Variants in OPCML observed in about 807,000 individuals in gnomAD.
OPCML encodes opioid-binding protein/cell adhesion molecule.
A neutral mutation model predicts 37.8 loss-of-function variants in OPCML; 13 were observed. The observed-to-expected ratio is 0.34, with a 90% CI of 0.22 to 0.55. The LOEUF (loss-of-function observed/expected upper bound fraction) is 0.55. Among genes scored for constraint, OPCML ranks in the 20% least tolerant of loss-of-function variants. The pLI is 0.91. For missense variants in OPCML, 341 were observed against 435.6 expected (o/e 0.78, Z 1.93); for synonymous variants, 176 against 168.8 (o/e 1.04, Z -0.33).
chr11:132,595,233 G>A (rs1213678567), intron 3 of OPCML, among the ~76,000 whole-genome samples: 1 of 152,062 alleles, frequency 6.6e-6, no homozygotes, highest in Non-Finnish European at 1.5e-5. Flanking sequence ...AAGGCATATT[G>A]AGAACATGAT....
intron 1 of OPCML, among the ~76,000 whole-genome samples, chr11:133,038,835 A>G (rs560225743): frequency 1.3e-4 from 20 of 151,698 alleles, no homozygotes; most frequent in African/African-American, 4.8e-4. Flanking sequence ...CCAAAAAAAA[A>G]AAAACCCTGC....
chr11:132,784,182 T>G, intron 2 of OPCML, among the ~76,000 whole-genome samples: 1 of 152,300 alleles, frequency 6.6e-6, no homozygotes, highest in African/African-American at 2.4e-5. Flanking sequence ...AATTCAAACT[T>G]GTAGGAAGTC....
intron 1 of OPCML, among the ~76,000 whole-genome samples, chr11:133,492,151 G>C (rs1249420379): frequency 6.6e-6 from 1 of 152,150 alleles, no homozygotes; most frequent in African/African-American, 2.4e-5. Flanking sequence ...GAAAAACGTA[G>C]CCTGGCCAAA....
chr11:132,544,529 A>T (rs1817961727), intron 3 of OPCML, among the ~76,000 whole-genome samples: 1 of 152,216 alleles, frequency 6.6e-6, no homozygotes, highest in South Asian at 2.1e-4. Flanking sequence ...GTCCTGCCAA[A>T]AATGTTTAAA....
At chr11:132,763,755 G>T (rs1946342462) in intron 2 of OPCML, among the ~76,000 whole-genome samples, 1 of 152,218 alleles carries the variant, frequency 6.6e-6, no homozygotes, top group African/African-American at 2.4e-5. Flanking sequence ...TGTTGTCCAT[G>T]CGGCCCTGCC....
At chr11:133,341,109 T>C (rs1054887345) in intron 1 of OPCML, among the ~76,000 whole-genome samples, 9 of 152,204 alleles carry the variant, frequency 5.9e-5, no homozygotes, top group African/African-American at 2.2e-4. Flanking sequence ...GAGCTTCTTG[T>C]GGGACTCTGT....
chr11:133,409,086 C>T (rs915051363), intron 1 of OPCML, among the ~76,000 whole-genome samples: 78 of 152,242 alleles, frequency 5.1e-4, no homozygotes, highest in African/African-American at 1.8e-3. Flanking sequence ...GTGAGGGGGA[C>T]GAGCGTGGGC....
At chr11:133,465,452 A>G (rs1946953270) in intron 1 of OPCML, among the ~76,000 whole-genome samples, 1 of 152,078 alleles carries the variant, frequency 6.6e-6, no homozygotes, top group African/African-American at 2.4e-5. Flanking sequence ...GTCTATCACT[A>G]TGTGTGTAGA....
chr11:132,514,093 T>C (rs570426343), intron 4 of OPCML, among the ~76,000 whole-genome samples: 1 of 152,218 alleles, frequency 6.6e-6, no homozygotes, highest in Non-Finnish European at 1.5e-5. Flanking sequence ...TCTGTCTATA[T>C]GCTATTTTTA....
intron 1 of OPCML, among the ~76,000 whole-genome samples, chr11:132,975,187 A>C (rs1946430884): frequency 6.6e-6 from 1 of 152,034 alleles, no homozygotes. Context: ...AGGATAATAA[A>C]TAAGAAAGAA....
At chr11:133,147,340 T>G (rs1949911826) in intron 1 of OPCML, among the ~76,000 whole-genome samples, 1 of 151,950 alleles carries the variant, frequency 6.6e-6, no homozygotes, top group Non-Finnish European at 1.5e-5. Context: ...AGTTATCACT[T>G]TTGATAGTCT....
chr11:133,357,766 T>C (rs1446127558), intron 1 of OPCML, among the ~76,000 whole-genome samples: 2 of 152,214 alleles, frequency 1.3e-5, no homozygotes, highest in Non-Finnish European at 2.9e-5. Flanking sequence ...TTCTCTAGGA[T>C]TGATCTTCTC....
chr11:133,354,563 A>C (rs1259480844), intron 1 of OPCML, among the ~76,000 whole-genome samples: 1 of 152,136 alleles, frequency 6.6e-6, no homozygotes, highest in Non-Finnish European at 1.5e-5. Flanking sequence ...GTTAACCAAC[A>C]GATTATTTTA....
Position 132,590,575 on chromosome 11 carries a change from G to A in OPCML, c.380-61389C>T, listed in dbSNP as rs185491137. On this transcript the variant is annotated intron_variant, in intron 3 of 7. Coordinates refer to ENST00000524381, the MANE Select transcript of OPCML (RefSeq NM_001012393.5). ...TTTAAAATTCTCAACATCTCCATGAGGTAGGTAAAATTCACGTTTTACAGA... is the reference window on the plus strand; with the variant it reads ...TTTAAAATTCTCAACATCTCCATGAAGTAGGTAAAATTCACGTTTTACAGA... Among the ~76,000 whole-genome samples the A allele has an allele frequency of 2.6e-5, 4 of 152,274 alleles. No homozygotes were observed. In the East Asian group the frequency reaches 7.7e-4, roughly 29 times the overall value.
intron 2 of OPCML, among the ~76,000 whole-genome samples, chr11:132,858,048 G>A (rs1485800174): frequency 6.6e-6 from 1 of 152,184 alleles, no homozygotes; most frequent in Non-Finnish European, 1.5e-5. Context: ...GGACTCTGAA[G>A]ACAGAAGTCG....
chr11:133,433,247 G>A (rs1565631023), intron 1 of OPCML, among the ~76,000 whole-genome samples: 1 of 97,426 alleles, frequency 1.0e-5, no homozygotes, highest in Admixed American at 1.0e-4. Flanking sequence ...GCGAGACTCC[G>A]TCTCAAAAAA....
At chr11:132,809,490 G>A (rs1939204272) in intron 2 of OPCML, among the ~76,000 whole-genome samples, 1 of 152,026 alleles carries the variant, frequency 6.6e-6, no homozygotes, top group Non-Finnish European at 1.5e-5. Flanking sequence ...GTGGGTGTAC[G>A]GAGCTTATTT....
chr11:132,921,043 T>C (rs1026778923), intron 2 of OPCML, among the ~76,000 whole-genome samples: 5 of 152,236 alleles, frequency 3.3e-5, no homozygotes, highest in African/African-American at 4.8e-5. Context: ...CCCCGCCACA[T>C]GCTGGCCTTG....
chr11:133,527,010 C>A (rs1032767720), intron 1 of OPCML, among the ~76,000 whole-genome samples: 3 of 152,242 alleles, frequency 2.0e-5, no homozygotes. Context: ...AGCTCACTGA[C>A]AGGAATCACA....
Sources: allele counts gnomAD v4.1 joint callset (sites outside exome capture counted in the v4.1 genomes callset), GRCh38; gene constraint gnomAD v4.1.1; transcripts MANE v1.5; gene names NCBI Gene and HGNC (gene_info 2026-07-23, HGNC 2026-07-21).